ZNF438: variants seen among roughly 807,000 people sequenced by gnomAD.
The protein encoded by ZNF438 is zinc finger protein 438.
In ZNF438, 25 loss-of-function variants were observed where a neutral mutation model predicts 38.0. The ratio of observed to expected loss-of-function variants is 0.66; its 90% CI spans 0.48 to 0.92. The LOEUF is 0.92. Among genes scored for constraint, ZNF438 ranks in the 40% least tolerant of loss-of-function variants. The probability of loss-of-function intolerance (pLI) is 0.00; values close to 1 mark genes in which losing one functional copy is unlikely to be tolerated. For missense variants in ZNF438, 1,007 were observed against 999.6 expected (o/e 1.01, Z -0.10); for synonymous variants, 372 against 364.1 (o/e 1.02, Z -0.25).
chr10:30,926,644 C>T (rs79718959), intron 2 of ZNF438, among the ~76,000 whole-genome samples: 4,549 of 147,428 alleles, frequency 0.031, 215 homozygotes, highest in African/African-American at 0.11. Context: ...CCAGCCTGAG[C>T]GACAGGGTGG....
intron 3 of ZNF438, among the ~76,000 whole-genome samples, chr10:30,893,586 CA>C (rs2040969817): frequency 6.6e-6 from 1 of 152,104 alleles, no homozygotes; most frequent in Non-Finnish European, 1.5e-5. Flanking sequence ...TAAAACATTA[CA>C]GGTACAGTTT....
intron 2 of ZNF438, among the ~76,000 whole-genome samples, chr10:30,918,530 T>C (rs1235240189): frequency 6.6e-6 from 1 of 152,196 alleles, no homozygotes; most frequent in East Asian, 1.9e-4. Flanking sequence ...TAGGTTCTAT[T>C]AATGATCATC....
At chr10:30,943,403 A>G (rs1180447375) in intron 1 of ZNF438, among the ~76,000 whole-genome samples, 1 of 152,164 alleles carries the variant, frequency 6.6e-6, no homozygotes, top group South Asian at 2.1e-4. Context: ...AAAAGAGATG[A>G]AGAGAAAGCA....
intron 1 of ZNF438, among the ~76,000 whole-genome samples, chr10:31,025,425 G>A (rs1409949394): frequency 6.6e-6 from 1 of 152,174 alleles, no homozygotes; most frequent in African/African-American, 2.4e-5. Context: ...CCCAGAGTGT[G>A]TTGGAAAGTA....
intron 1 of ZNF438, 121 bp downstream of exon 1, chr10:31,031,712 T>A (rs2057306607): frequency 6.6e-6 from 1 of 152,610 alleles, no homozygotes; most frequent in South Asian, 2.1e-4. Flanking sequence ...ACCTGTCCCT[T>A]CGCCACAATC....
Position 30,880,323 on chromosome 10 carries a change from C to T in ZNF438, c.-31-3258G>A, listed in dbSNP as rs997792088. Among the ~76,000 whole-genome samples, 10 of 150,242 alleles carry T rather than the reference C, an allele frequency of 6.7e-5. No homozygotes were observed. The South Asian group carries it at 1.5e-3, about 22-fold the overall frequency. On this transcript the variant is annotated intron_variant, in intron 3 of 5. Coordinates refer to ENST00000413025, the Ensembl canonical transcript of ZNF438. ...GTGCATGCCTGTAATTCCAGGTACTCGGGAGGCTGAGGCAGGAGAATCGCT... is the reference window on the plus strand; with the variant it reads ...GTGCATGCCTGTAATTCCAGGTACTTGGGAGGCTGAGGCAGGAGAATCGCT...
intron 1 of ZNF438, among the ~76,000 whole-genome samples, chr10:30,998,525 A>T (rs149539702): frequency 4.6e-4 from 56 of 121,658 alleles, no homozygotes; most frequent in African/African-American, 1.7e-3. Context: ...CCTGGGTGAC[A>T]GAGAGAGACT....
At chr10:30,860,088 C>G (rs2035326050) in intron 4 of ZNF438, among the ~76,000 whole-genome samples, 1 of 152,064 alleles carries the variant, frequency 6.6e-6, no homozygotes, top group Non-Finnish European at 1.5e-5. Context: ...TCCCCAAAGC[C>G]AACCATAAAA....
chr10:30,844,855 C>T (rs2031497954), exon 6 of ZNF438: 1 of 1,367,124 alleles, frequency 7.3e-7, no homozygotes. Context: ...TCACTCACAC[C>T]AATCCTGTTG....
chr10:30,999,796 G>A (rs1419458873), intron 1 of ZNF438, among the ~76,000 whole-genome samples: 1 of 152,106 alleles, frequency 6.6e-6, no homozygotes, highest in Admixed American at 6.5e-5. Flanking sequence ...CCAAGGAAAA[G>A]GGGGGGTTTC....
intron 3 of ZNF438, among the ~76,000 whole-genome samples, chr10:30,885,089 A>G (rs1479780549): frequency 6.6e-6 from 1 of 152,244 alleles, no homozygotes; most frequent in East Asian, 1.9e-4. Context: ...AACATGTCAT[A>G]TATCATCACA....
chr10:30,872,225 A>G (rs565129537), intron 4 of ZNF438, among the ~76,000 whole-genome samples: 1 of 151,990 alleles, frequency 6.6e-6, no homozygotes, highest in South Asian at 2.1e-4. Context: ...GTTAAATTCA[A>G]GATCAGTCTG....
At chr10:30,982,306 T>G (rs373938168) in intron 1 of ZNF438, among the ~76,000 whole-genome samples, 4 of 152,026 alleles carry the variant, frequency 2.6e-5, no homozygotes, top group African/African-American at 4.8e-5. Flanking sequence ...TTTCTCCATG[T>G]TAGCCGGGAT....
intron 1 of ZNF438, among the ~76,000 whole-genome samples, chr10:31,000,652 G>A (rs1383037984): frequency 6.6e-6 from 1 of 152,106 alleles, no homozygotes; most frequent in Non-Finnish European, 1.5e-5. Flanking sequence ...ACACTCTGAT[G>A]TACAGCTATG....
chr10:30,989,207 C>A (rs1167485205), intron 1 of ZNF438, among the ~76,000 whole-genome samples: 1 of 152,160 alleles, frequency 6.6e-6, no homozygotes, highest in Non-Finnish European at 1.5e-5. Context: ...TGAGCCAATT[C>A]CTTAAAATAA....
intron 1 of ZNF438, among the ~76,000 whole-genome samples, chr10:30,987,913 C>A (rs889263212): frequency 6.6e-6 from 1 of 152,118 alleles, no homozygotes; most frequent in African/African-American, 2.4e-5. Context: ...AGACAGAAAT[C>A]TTTTATTCAA....
At chr10:30,849,684 G>A in exon 5 of ZNF438, 1 of 1,614,214 alleles carries the variant, frequency 6.2e-7, no homozygotes, top group Non-Finnish European at 8.5e-7. Context: ...CTTACAAAGT[G>A]TGCTTTCCCT....
At chr10:31,031,621 C>T (rs2073682046) in intron 1 of ZNF438, among the ~76,000 whole-genome samples, 3 of 152,116 alleles carry the variant, frequency 2.0e-5, no homozygotes, top group South Asian at 2.1e-4. Context: ...AGGTGCTGGC[C>T]CGGCCCCACG....
At chr10:30,845,133 G>C (rs1443350057) in exon 6 of ZNF438, 2 of 1,614,180 alleles carry the variant, frequency 1.2e-6, no homozygotes, top group Non-Finnish European at 8.5e-7. Context: ...GCCTGAATGG[G>C]ACCACAAGAG....
Sources: gnomAD v4.1 joint callset for allele counts (sites outside exome capture counted in the v4.1 genomes callset) on GRCh38, gnomAD v4.1.1 for gene constraint, MANE v1.5 for transcripts, NCBI Gene and HGNC (gene_info 2026-07-23, HGNC 2026-07-21) for gene names.